Variants in DOCK8 observed in about 807,000 individuals in gnomAD.
DOCK8 encodes dedicator of cytokinesis protein 8.
DOCK8 carries 141 observed loss-of-function variants against 245.6 expected under a neutral mutation model. The observed-to-expected ratio is 0.57, with a 90% CI of 0.50 to 0.66. The LOEUF (loss-of-function observed/expected upper bound fraction) is 0.66. Ranked by LOEUF, DOCK8 falls within the 30% of genes least tolerant of loss-of-function variation. DOCK8 has a pLI of 0.00. For synonymous variants in DOCK8, 1,168 were observed against 970.2 expected, an observed-to-expected ratio of 1.20 and a Z score of -3.79; for missense variants, 2,965 against 2,603.4, an observed-to-expected ratio of 1.14 and a Z score of -3.02.
intron 23 of DOCK8, among the ~76,000 whole-genome samples, chr9:387,226 C>T (rs887629605): frequency 5.3e-5 from 8 of 152,038 alleles, no homozygotes; most frequent in African/African-American, 1.9e-4. Flanking sequence ...GGTGGATCAC[C>T]TGAGGTCAGG....
chr9:420,434 A>T lies in DOCK8; in HGVS notation c.3874A>T (p.Thr1292Ser). ...GCAGTACAACATGCTGAACGCGGAC[A>T]CTACTCGCAACCTCATGATCTGCTT... ...YKQYNMLNAD[T>S]TRNLMICFLW... The change falls in exon 31 of 48, where the codon ACT becomes TCT. Residue 1292 changes from threonine to serine, a missense_variant. Thr to Ser is a moderately conservative substitution (Grantham distance 58, BLOSUM62 1). Around this residue, in one of 3 missense-constraint regions of DOCK8, gnomAD observed 2,825 missense variants for 2,453.5 expected, o/e 1.15. Transcript: ENST00000432829. 1 of 1,614,198 alleles carries T rather than the reference A, an allele frequency of 6.2e-7. No homozygotes were observed. Among genetic ancestry groups the T allele is most frequent in the Non-Finnish European group, 8.5e-7 (1 of 1,180,042 alleles).
intron 45 of DOCK8, among the ~76,000 whole-genome samples, chr9:451,254 T>C (rs555926459): frequency 1.3e-5 from 2 of 152,034 alleles, no homozygotes; most frequent in Non-Finnish European, 2.9e-5. Flanking sequence ...GAGGTTGTAG[T>C]GAGCTGAGAT....
intron 14 of DOCK8, among the ~76,000 whole-genome samples, chr9:362,201 G>A (rs1667942295): frequency 6.6e-6 from 1 of 152,108 alleles, no homozygotes; most frequent in Admixed American, 6.5e-5. Context: ...CTCAAAACAT[G>A]GTTTAGCTTA....
intron 2 of DOCK8, among the ~76,000 whole-genome samples, chr9:282,282 A>G (rs1468526637): frequency 6.6e-6 from 1 of 152,150 alleles, no homozygotes; most frequent in Non-Finnish European, 1.5e-5. Context: ...TTGCTGAGTG[A>G]GGAAGTCAGC....
intron 4 of DOCK8, among the ~76,000 whole-genome samples, chr9:292,032 T>A (rs929349522): frequency 1.6e-5 from 2 of 124,464 alleles, no homozygotes; most frequent in African/African-American, 6.2e-5. Context: ...ATTGCACCAC[T>A]GCACACCAGC....
intron 29 of DOCK8, 72 bp downstream of exon 29, chr9:415,023 C>G (rs115439344): frequency 6.4e-7 from 1 of 1,573,048 alleles, no homozygotes; most frequent in African/African-American, 1.3e-5. Context: ...AATGAGATCT[C>G]TGTCATTCGT....
intron 21 of DOCK8, among the ~76,000 whole-genome samples, chr9:382,230 C>T (rs1010527050): frequency 2.0e-5 from 3 of 152,102 alleles, no homozygotes; most frequent in South Asian, 2.1e-4. Context: ...GTCCATTTCC[C>T]GATGGCAGTA....
intron 1 of DOCK8, among the ~76,000 whole-genome samples, chr9:216,333 A>C (rs986770941): frequency 1.3e-5 from 2 of 152,048 alleles, no homozygotes; most frequent in Non-Finnish European, 2.9e-5. Flanking sequence ...GTTTGAGACC[A>C]GCCTGGGCAA....
At chr9:260,604 C>T (rs1182437627) in intron 1 of DOCK8, among the ~76,000 whole-genome samples, 1 of 152,186 alleles carries the variant, frequency 6.6e-6, no homozygotes, top group Non-Finnish European at 1.5e-5. Flanking sequence ...TATATTTATA[C>T]ATGTATGAGT....
intron 46 of DOCK8, among the ~76,000 whole-genome samples, chr9:455,830 T>A (rs2057621572): frequency 6.7e-6 from 1 of 149,132 alleles, no homozygotes; most frequent in South Asian, 2.1e-4. Context: ...GTTGTAAATC[T>A]CAATAAAATT....
intron 46 of DOCK8, among the ~76,000 whole-genome samples, chr9:456,040 C>G (rs16909602): frequency 0.077 from 11,753 of 152,252 alleles, 492 homozygotes; most frequent in African/African-American, 0.094. Flanking sequence ...CATTATTCAT[C>G]TCTATGTGCA....
intron 1 of DOCK8, among the ~76,000 whole-genome samples, chr9:243,785 G>C (rs542615654): frequency 3.9e-5 from 6 of 152,196 alleles, no homozygotes; most frequent in African/African-American, 1.4e-4. Flanking sequence ...GTCAATGAAA[G>C]GGACTCTTTG....
chr9:306,842 C>T (rs555754055), intron 5 of DOCK8, among the ~76,000 whole-genome samples: 4 of 152,256 alleles, frequency 2.6e-5, no homozygotes, highest in African/African-American at 9.6e-5. Context: ...CGTAGAAGCT[C>T]AGAAGAGGAG....
Position 377,038 on chromosome 9 carries a change from C to T in DOCK8, c.2267C>T (p.Pro756Leu). 1 of 1,614,020 alleles carries T rather than the reference C, an allele frequency of 6.2e-7. No homozygotes were observed. The highest frequency in any genetic ancestry group is 8.5e-7 in the Non-Finnish European group (1 of 1,180,018). The change falls in exon 20 of 48, where the codon CCC becomes CTC. Residue 756 changes from proline (P) to leucine (L), a missense_variant. Transcript: ENST00000432829. ...TCCCTGGAGAGCCAGGTGACCTTCC[C>T]CATCCGCGTGCTGGATCAGAAAATC... is the stretch of plus-strand genomic sequence containing the variant. Reference protein sequence around the residue: ...CHSLESQVTFPIRVLDQKISE... With the variant: ...CHSLESQVTFLIRVLDQKISE...
intron 6 of DOCK8, chr9:312,491 C>T: frequency 2.1e-6 from 1 of 483,992 alleles, no homozygotes; most frequent in Non-Finnish European, 4.0e-6. Flanking sequence ...GTCAAACCAT[C>T]CTATTATTTG....
At chr9:327,311 C>G (rs2050807787) in intron 8 of DOCK8, among the ~76,000 whole-genome samples, 1 of 152,140 alleles carries the variant, frequency 6.6e-6, no homozygotes, top group Admixed American at 6.6e-5. Context: ...TCTGGAACTT[C>G]CACAGTGCTT....
At position 446,498 on chromosome 9, in the gene DOCK8, G is replaced by A. The variant is rs146782651; in HGVS notation, c.5709G>A (p.Gly1903=). 1.4e-5 allele frequency: 22 copies of A among 1,614,112 alleles called. No individual in the cohort carries two copies. The highest frequency in any genetic ancestry group is 1.7e-5 in the Non-Finnish European group (20 of 1,180,036). ...FMYTTPFTLE[G]RPRGELHEQY... is the part of the protein sequence containing the mutation. The stretch of plus-strand genomic sequence containing the variant: ...ACACCACCCCGTTCACCCTGGAGGG[G>A]CGGCCTCGGGGAGAGCTGCATGAGC... Residue 1903 remains glycine, a synonymous_variant, in exon 44 of 48, where the codon GGG becomes GGA. Coordinates refer to ENST00000432829, the MANE Select transcript of DOCK8 (RefSeq NM_203447.4).
At chr9:290,237 C>A (rs2048981949) in intron 4 of DOCK8, among the ~76,000 whole-genome samples, 1 of 151,932 alleles carries the variant, frequency 6.6e-6, no homozygotes. Flanking sequence ...TGGCCCAACA[C>A]AAATTCATAA....
At chr9:247,057 C>G (rs915715314) in intron 1 of DOCK8, among the ~76,000 whole-genome samples, 5 of 152,230 alleles carry the variant, frequency 3.3e-5, no homozygotes, top group Non-Finnish European at 5.9e-5. Flanking sequence ...GGATCACATG[C>G]GAGCTACAGA....
Sources: gnomAD v4.1 joint callset for allele counts (sites outside exome capture counted in the v4.1 genomes callset) on GRCh38, gnomAD v4.1.1 for gene constraint, gnomAD v4.1.1 regional missense constraint, MANE v1.5 for transcripts, NCBI Gene and HGNC (gene_info 2026-07-23, HGNC 2026-07-21) for gene names.